GABRB1: variants seen among roughly 807,000 people sequenced by gnomAD.
GABRB1 encodes the protein gamma-aminobutyric acid type A receptor subunit beta1.
A neutral mutation model predicts 51.6 loss-of-function variants in GABRB1; 17 were observed. The observed-to-expected ratio is 0.33, with a 90% confidence interval of 0.23 to 0.49. The LOEUF is 0.49. GABRB1 is among the 20% of genes least tolerant of loss of function. GABRB1 has a pLI of 0.99. For synonymous variants in GABRB1, 247 were observed against 218.9 expected, an observed-to-expected ratio of 1.13 and a Z score of -1.14; for missense variants, 410 against 600.6, an observed-to-expected ratio of 0.68 and a Z score of 3.32.
chr4:47,314,850 A>G (rs1036537995), intron 4 of GABRB1, among the ~76,000 whole-genome samples: 2 of 151,956 alleles, frequency 1.3e-5, no homozygotes, highest in African/African-American at 4.8e-5. Flanking sequence ...TTCTAGAATC[A>G]TGCTTTAGAA....
At chr4:47,393,829 AGG>A (rs1210787492) in intron 5 of GABRB1, among the ~76,000 whole-genome samples, 8 of 152,232 alleles carry the variant, frequency 5.3e-5, no homozygotes, top group African/African-American at 1.9e-4. Context: ...CTGAAAAGTA[AGG>A]CCACACCTAA....
At chr4:47,189,117 T>A (rs1719321014) in intron 4 of GABRB1, among the ~76,000 whole-genome samples, 1 of 151,650 alleles carries the variant, frequency 6.6e-6, no homozygotes, top group Non-Finnish European at 1.5e-5. Context: ...GAAATAGAGA[T>A]TTTTGAAGAA....
At chr4:47,393,417 C>T (rs1010941175) in intron 5 of GABRB1, among the ~76,000 whole-genome samples, 2 of 152,114 alleles carry the variant, frequency 1.3e-5, no homozygotes, top group Admixed American at 6.5e-5. Context: ...TTATAAAAGT[C>T]AATTAGGAGC....
chr4:47,048,233 T>C lies in GABRB1; in HGVS notation c.240+15749T>C, dbSNP rs76494283. Among the ~76,000 whole-genome samples the C allele has an allele frequency of 5.1e-3, 774 of 152,200 alleles. 3 individuals are homozygous for C. Among genetic ancestry groups the C allele is most frequent in the African/African-American group, 0.018 (728 of 41,530 alleles). On this transcript the variant is annotated intron_variant, in intron 3 of 8. Coordinates refer to ENST00000295454, the MANE Select transcript of GABRB1 (RefSeq NM_000812.4). ...GTCATAACCACACATTCAGAGACAA[T>C]GACAAGGCCCTGGGCTAGGCCATTA...
intron 5 of GABRB1, among the ~76,000 whole-genome samples, chr4:47,329,118 T>G (rs1412513305): frequency 1.3e-5 from 2 of 152,142 alleles, no homozygotes; most frequent in Non-Finnish European, 2.9e-5. Flanking sequence ...TATAAAAGTC[T>G]GCCCTTGAAT....
At chr4:47,263,241 C>T (rs1367497918) in intron 4 of GABRB1, among the ~76,000 whole-genome samples, 3 of 151,222 alleles carry the variant, frequency 2.0e-5, no homozygotes, top group Non-Finnish European at 2.9e-5. Context: ...AAGAGCTTAA[C>T]ATTAACAAGA....
Position 47,176,389 on chromosome 4 carries a change from T to G in GABRB1, c.461+14920T>G, listed in dbSNP as rs184792243. On this transcript the variant is annotated intron_variant, in intron 4 of 8. Transcript: ENST00000295454. ...GATTGATTTGCTCATAGTTTAGATG[T>G]GGGTTGTGAAAAAAATAGAGTAGTC... Among the ~76,000 whole-genome samples the G allele has an allele frequency of 5.3e-5, 8 of 152,150 alleles. No individual in the cohort carries two copies. The East Asian group carries it at 1.5e-3, about 29-fold the overall frequency.
intron 3 of GABRB1, among the ~76,000 whole-genome samples, chr4:47,070,458 A>G (rs28540115): frequency 1.3e-5 from 2 of 152,026 alleles, no homozygotes; most frequent in Non-Finnish European, 2.9e-5. Flanking sequence ...CAGTCTCCCA[A>G]GTAGCTGGGA....
intron 3 of GABRB1, among the ~76,000 whole-genome samples, chr4:47,084,259 G>T (rs1199733439): frequency 6.6e-6 from 1 of 152,108 alleles, no homozygotes; most frequent in Non-Finnish European, 1.5e-5. Flanking sequence ...GCCAATATGT[G>T]GTTTGAGCTT....
chr4:47,152,913 A>G (rs1456183456), intron 3 of GABRB1, among the ~76,000 whole-genome samples: 5 of 151,986 alleles, frequency 3.3e-5, no homozygotes, highest in Non-Finnish European at 5.9e-5. Context: ...TCTATTCTCT[A>G]GGCTAATGCA....
intron 3 of GABRB1, among the ~76,000 whole-genome samples, chr4:47,079,673 A>G (rs1727738336): frequency 6.6e-6 from 1 of 152,046 alleles, no homozygotes; most frequent in African/African-American, 2.4e-5. Context: ...CAGCCATGAA[A>G]AATGATGAGT....
At chr4:47,337,506 A>G (rs1725740112) in intron 5 of GABRB1, among the ~76,000 whole-genome samples, 1 of 152,010 alleles carries the variant, frequency 6.6e-6, no homozygotes, top group African/African-American at 2.4e-5. Context: ...AAGACAGAAT[A>G]AGGAATGCAT....
intron 4 of GABRB1, among the ~76,000 whole-genome samples, chr4:47,179,428 C>G (rs539067726): frequency 6.6e-6 from 1 of 152,222 alleles, no homozygotes; most frequent in African/African-American, 2.4e-5. Context: ...AATCCCATTA[C>G]TGGTTATATA....
upstream of GABRB1, chr4:47,031,489 C>T (rs1235087613): frequency 6.3e-6 from 4 of 630,566 alleles, no homozygotes; most frequent in South Asian, 5.7e-5. Flanking sequence ...AAATCTGTTG[C>T]CTGTTCCACT....
intron 4 of GABRB1, among the ~76,000 whole-genome samples, chr4:47,204,470 C>G (rs1365346793): frequency 5.3e-5 from 8 of 152,096 alleles, no homozygotes; most frequent in Non-Finnish European, 1.2e-4. Flanking sequence ...CCTAATTCTT[C>G]TTCTCACTCT....
intron 1 of GABRB1, among the ~76,000 whole-genome samples, chr4:47,025,719 C>T (rs1274467111): frequency 6.6e-6 from 1 of 151,774 alleles, no homozygotes; most frequent in African/African-American, 2.4e-5. Context: ...AGTTTTTTTC[C>T]CAAACAAATC....
intron 5 of GABRB1, among the ~76,000 whole-genome samples, chr4:47,333,041 A>G (rs1232861720): frequency 6.7e-6 from 1 of 149,650 alleles, no homozygotes; most frequent in Non-Finnish European, 1.5e-5. Flanking sequence ...ATAAGAAGTC[A>G]AGTTGTTACA....
At chr4:47,127,716 A>G (rs1275265082) in intron 3 of GABRB1, among the ~76,000 whole-genome samples, 1 of 151,842 alleles carries the variant, frequency 6.6e-6, no homozygotes, top group Non-Finnish European at 1.5e-5. Context: ...ACCTCTTACA[A>G]GCTGTATAAT....
At chr4:47,250,097 TG>T (rs1305389758) in intron 4 of GABRB1, among the ~76,000 whole-genome samples, 1 of 152,212 alleles carries the variant, frequency 6.6e-6, no homozygotes, top group Non-Finnish European at 1.5e-5. Flanking sequence ...TTCCAGGATT[TG>T]TTTCAAGATT....
Sources: allele counts gnomAD v4.1 joint callset (sites outside exome capture counted in the v4.1 genomes callset), GRCh38; gene constraint gnomAD v4.1.1; transcripts MANE v1.5; gene names NCBI Gene and HGNC (gene_info 2026-07-23, HGNC 2026-07-21).